The following PLBD1 variants were observed in gnomAD, a reference collection of about 807,000 sequenced individuals.
The protein encoded by PLBD1 is lysosomal leucine aminopeptidase.
PLBD1 carries 60 observed loss-of-function variants against 63.0 expected under a neutral mutation model. That is an observed-to-expected ratio of 0.95 (90% CI 0.77 to 1.18). The LOEUF is 1.18. Ranked by LOEUF, PLBD1 falls within the 50% of genes most tolerant of loss-of-function variation. The pLI, the probability that PLBD1 is intolerant of heterozygous loss-of-function variation, is 0.00. For synonymous variants in PLBD1, 262 were observed against 248.0 expected (o/e 1.06, Z -0.53); for missense variants, 598 against 677.9 (o/e 0.88, Z 1.31).
chr12:14,567,642 G>A lies in PLBD1; in HGVS notation c.55C>T (p.Leu19=). The A allele has an allele frequency of 6.7e-7, 1 of 1,498,572 alleles. No individual in the cohort carries two copies. Among genetic ancestry groups the A allele is most frequent in the Non-Finnish European group, 8.8e-7 (1 of 1,131,832 alleles). 92.8% of individuals were successfully genotyped at this position (1,498,572 alleles called of 1,614,324 possible). ...AGCGGCAGCAGCAGCAGCAGCAGCA[G>A]AAGCGGTGGCGGCTGTGGCAGCCCC... ...RPGLPQPPPL[L]LLLLLLPLLL... Residue 19 remains leucine, a synonymous_variant, in exon 1 of 11, where the codon CTG becomes TTG. Transcript: ENST00000240617.
rs191741021 is a variant in PLBD1, at chr12:14,543,803, T to C, written c.336-1512A>G. On this transcript the variant is annotated intron_variant, in intron 2 of 10. Coordinates refer to ENST00000240617, the MANE Select transcript of PLBD1 (RefSeq NM_024829.6). ...AATTTTTTGTTTCTTGTATTAACGA[T>C]TGTTCCTTATATACCACACCTTCCC... is the stretch of plus-strand genomic sequence containing the variant. Among the ~76,000 whole-genome samples, 1,180 of 152,340 alleles carry C rather than the reference T, an allele frequency of 7.7e-3. 8 individuals are homozygous for C. The highest frequency in any genetic ancestry group is 0.017 in the Middle Eastern group (5 of 294).
Position 14,549,510 on chromosome 12 carries a change from A to C in PLBD1, c.335+3683T>G, listed in dbSNP as rs192748554. 5.4e-4 allele frequency among the ~76,000 whole-genome samples: 82 copies of C among 152,282 alleles called. 2 individuals are homozygous for C. Among genetic ancestry groups the C allele is most frequent in the Middle Eastern group, 6.8e-3 (2 of 294 alleles). ...ACTAGACAGAGATGACAGAGAGGTC[A>C]TCTTTTATATTTAAGAAACCTCGGG... On this transcript the variant is annotated intron_variant, in intron 2 of 10. Transcript: ENST00000240617.
intron 8 of PLBD1, among the ~76,000 whole-genome samples, chr12:14,508,421 A>G (rs1945271624): frequency 6.6e-6 from 1 of 152,232 alleles, no homozygotes; most frequent in African/African-American, 2.4e-5. Flanking sequence ...GCTCAAATGA[A>G]TAACGAAAAT....
chr12:14,539,267 T>C (rs1945546311), intron 4 of PLBD1, among the ~76,000 whole-genome samples: 1 of 152,020 alleles, frequency 6.6e-6, no homozygotes, highest in African/African-American at 2.4e-5. Flanking sequence ...TAAACACTGA[T>C]GTAGTCAACT....
At chr12:14,548,597 C>T (rs1292689919) in intron 2 of PLBD1, among the ~76,000 whole-genome samples, 1 of 151,964 alleles carries the variant, frequency 6.6e-6, no homozygotes, top group East Asian at 1.9e-4. Flanking sequence ...AGAGGTAACA[C>T]CAAGCACAAA....
chr12:14,525,324 G>C (rs541484889), intron 6 of PLBD1, among the ~76,000 whole-genome samples: 1 of 151,868 alleles, frequency 6.6e-6, no homozygotes, highest in African/African-American at 2.4e-5. Flanking sequence ...CCTGAAGATA[G>C]AAGATTAATG....
At chr12:14,543,270 T>C (rs528412557) in intron 2 of PLBD1, among the ~76,000 whole-genome samples, 13 of 152,254 alleles carry the variant, frequency 8.5e-5, no homozygotes, top group Admixed American at 2.0e-4. Flanking sequence ...ATATAACTAA[T>C]ATTTTCTTAT....
At chr12:14,557,257 C>A (rs1234564637) in intron 1 of PLBD1, among the ~76,000 whole-genome samples, 1 of 152,024 alleles carries the variant, frequency 6.6e-6, no homozygotes, top group Non-Finnish European at 1.5e-5. Flanking sequence ...TGTGGTGATT[C>A]CTCAAAGACC....
At chr12:14,554,083 C>T (rs1431660536) in intron 1 of PLBD1, 1 of 153,528 alleles carries the variant, frequency 6.5e-6, no homozygotes, top group African/African-American at 2.4e-5. Flanking sequence ...CTCCTTATCC[C>T]TTGTCTCCTG....
At chr12:14,566,213 C>A (rs1339527455) in intron 1 of PLBD1, among the ~76,000 whole-genome samples, 1 of 152,174 alleles carries the variant, frequency 6.6e-6, no homozygotes, top group Non-Finnish European at 1.5e-5. Flanking sequence ...AAGTAGACAC[C>A]AAGGCCACCT....
chr12:14,508,014 A>G (rs576005790), intron 8 of PLBD1, among the ~76,000 whole-genome samples: 39 of 152,230 alleles, frequency 2.6e-4, no homozygotes, highest in Non-Finnish European at 4.9e-4. Context: ...ATTGTTGTAC[A>G]GGACCTCCTC....
In PLBD1 at chr12:14,540,795, G is replaced by T; in HGVS notation, c.527C>A (p.Ala176Glu). The change falls in exon 4 of 11, where the codon GCA becomes GAA. Residue 176 changes from alanine to glutamate, a missense_variant. Ala to Glu is a moderately radical substitution (Grantham distance 107). Transcript: ENST00000240617. ...CCCTTCTAATATAGCCCTCTTCTTT[G>T]CTCCTACATAGAGGCCATCTATTTG... ...MAQIDGLYVG[A>E]KKRAILEGTK... The T allele has an allele frequency of 1.2e-6, 2 of 1,606,344 alleles. No individual in the cohort carries two copies.
At chr12:14,534,543 CT>C (rs1286445435) in intron 6 of PLBD1, among the ~76,000 whole-genome samples, 7,795 of 137,606 alleles carry the variant, frequency 0.057, 395 homozygotes, top group African/African-American at 0.18. Context: ...CTTTTCTTTT[CT>C]TTTTTTTTTT....
intron 8 of PLBD1, among the ~76,000 whole-genome samples, chr12:14,508,388 T>C (rs900283634): frequency 2.0e-5 from 3 of 152,256 alleles, no homozygotes; most frequent in Admixed American, 6.5e-5. Context: ...CATTAGATTA[T>C]TATATTTCTC....
At chr12:14,553,828 T>C (rs1444096009) in intron 1 of PLBD1, 4 of 206,684 alleles carry the variant, frequency 1.9e-5, no homozygotes, top group African/African-American at 6.9e-5. Flanking sequence ...ATCGTCCTCT[T>C]TGACTGAGCG....
intron 6 of PLBD1, among the ~76,000 whole-genome samples, chr12:14,519,857 A>T (rs998258884): frequency 1.3e-5 from 2 of 152,216 alleles, no homozygotes; most frequent in Admixed American, 6.5e-5. Flanking sequence ...GCCCATACCC[A>T]ACTCTAGTTA....
intron 1 of PLBD1, among the ~76,000 whole-genome samples, chr12:14,562,410 A>C (rs1017844977): frequency 7.8e-5 from 11 of 140,650 alleles, no homozygotes; most frequent in African/African-American, 2.6e-4. Context: ...CAGTGAGTTG[A>C]GATTGCAGCA....
rs1216114508 is a variant in PLBD1, at chr12:14,548,472, AAAAAAAAAAAG to A, written c.335+4710_335+4720del. Among the ~76,000 whole-genome samples, 38 of 142,510 alleles carry A rather than the reference AAAAAAAAAAAG, an allele frequency of 2.7e-4. 1 individual carries two copies. The highest frequency in any genetic ancestry group is 1.2e-3 in the Admixed American group (17 of 14,608). 93.5% of individuals were successfully genotyped at this position (142,510 alleles called of 152,430 possible). The stretch of plus-strand genomic sequence containing the variant: ...ACTCCATCTCCAAAAAAAAAAAAAA[AAAAAAAAAAAG>A]AAGAAGAAGAAGAAATTTTTGAGGG... On this transcript the variant is annotated intron_variant, in intron 2 of 10. Coordinates refer to ENST00000240617, the MANE Select transcript of PLBD1 (RefSeq NM_024829.6).
At chr12:14,507,831 G>A (rs1384745077) in intron 8 of PLBD1, among the ~76,000 whole-genome samples, 1 of 152,146 alleles carries the variant, frequency 6.6e-6, no homozygotes, top group Non-Finnish European at 1.5e-5. Context: ...ACTAGTCACT[G>A]AGCACCAAAT....
Sources: gnomAD v4.1 joint callset for allele counts (sites outside exome capture counted in the v4.1 genomes callset) on GRCh38, gnomAD v4.1.1 for gene constraint, MANE v1.5 for transcripts, NCBI Gene and HGNC (gene_info 2026-07-23, HGNC 2026-07-21) for gene names.